PTPRQ: variants seen among roughly 807,000 people sequenced by gnomAD.
PTPRQ encodes protein tyrosine phosphatase receptor type Q, also known as phosphatidylinositol phosphatase PTPRQ.
In PTPRQ, 199 loss-of-function variants were observed where a neutral mutation model predicts 246.0. The observed-to-expected ratio is 0.81, with a 90% CI of 0.72 to 0.91. The LOEUF is 0.91. PTPRQ is among the 40% of genes least tolerant of loss of function. The pLI is 0.00. For missense variants in PTPRQ, 2,624 were observed against 2,528.4 expected (o/e 1.04, Z -0.81); for synonymous variants, 869 against 853.2 (o/e 1.02, Z -0.32).
chr12:80,653,723 G>A (rs1309144035), intron 38 of PTPRQ, among the ~76,000 whole-genome samples: 1 of 152,098 alleles, frequency 6.6e-6, no homozygotes, highest in African/African-American at 2.4e-5. Flanking sequence ...ATAGAATGTC[G>A]AATTGTAAAG....
chr12:80,610,435 A>G lies in PTPRQ; in HGVS notation c.4732-4A>G, dbSNP rs754884738. Reference sequence around the variant, plus strand: ...CCTTAATTTTTACTTATATTTTCCTATAGGTAGATAATGATGAATTTAATA... The same window carrying G: ...CCTTAATTTTTACTTATATTTTCCTGTAGGTAGATAATGATGAATTTAATA... On this transcript the variant is annotated splice_region_variant and splice_polypyrimidine_tract_variant and intron_variant, in intron 27 of 44. Coordinates refer to ENST00000644991, the MANE Select transcript of PTPRQ (RefSeq NM_001145026.2). The G allele has an allele frequency of 1.4e-6, 2 of 1,470,706 alleles. No individual in the cohort carries two copies. The highest frequency in any genetic ancestry group is 1.4e-5 in the South Asian group (1 of 72,046). 91.1% of individuals were successfully genotyped at this position (1,470,706 alleles called of 1,614,324 possible).
chr12:80,561,737 G>T (rs764726025), intron 25 of PTPRQ, among the ~76,000 whole-genome samples: 1 of 152,106 alleles, frequency 6.6e-6, no homozygotes. Context: ...TGTAAAAAGG[G>T]TCAGTTTTGC....
intron 8 of PTPRQ, among the ~76,000 whole-genome samples, chr12:80,484,033 T>C (rs1009032034): frequency 2.0e-5 from 3 of 151,694 alleles, no homozygotes; most frequent in Non-Finnish European, 4.4e-5. Flanking sequence ...TTTGATGGAG[T>C]CTTGCTCTTT....
At chr12:80,619,616 A>G in intron 31 of PTPRQ, 74 bp downstream of exon 31, 2 of 1,268,998 alleles carry the variant, frequency 1.6e-6, no homozygotes, top group Non-Finnish European at 2.0e-6. Flanking sequence ...AATTTAGTTC[A>G]AATTAAGATT....
chr12:80,634,933 C>T lies in PTPRQ; in HGVS notation c.5787-12C>T, dbSNP rs375717822. 3.6e-5 allele frequency: 56 copies of T among 1,548,370 alleles called. No homozygotes were observed. The highest frequency in any genetic ancestry group is 3.3e-4 in the Middle Eastern group (2 of 5,988). On this transcript the variant is annotated splice_polypyrimidine_tract_variant and intron_variant, in intron 34 of 44. Transcript: ENST00000644991. ...GAAACTCCCTTCTTGGACTTTACTCCGCTTGTTTTAGAATTCGACAGAAGC... is the reference window on the plus strand; with the variant it reads ...GAAACTCCCTTCTTGGACTTTACTCTGCTTGTTTTAGAATTCGACAGAAGC...
chr12:80,620,864 C>T (rs184364694), intron 32 of PTPRQ, among the ~76,000 whole-genome samples: 1 of 151,874 alleles, frequency 6.6e-6, no homozygotes, highest in East Asian at 1.9e-4. Flanking sequence ...TTTAATACCA[C>T]CTTTAATATT....
intron 17 of PTPRQ, among the ~76,000 whole-genome samples, chr12:80,521,050 AT>A: frequency 6.6e-6 from 1 of 152,038 alleles, no homozygotes; most frequent in South Asian, 2.1e-4. Context: ...AATGATCACC[AT>A]TCTAACTGGT....
At chr12:80,521,256 A>G (rs1389169006) in intron 17 of PTPRQ, among the ~76,000 whole-genome samples, 3 of 151,868 alleles carry the variant, frequency 2.0e-5, no homozygotes, top group African/African-American at 7.3e-5. Context: ...TAGATTCTGG[A>G]TATTAGCCCT....
At chr12:80,642,933 A>AAAAAAC (rs1565836973) in intron 35 of PTPRQ, among the ~76,000 whole-genome samples, 2,811 of 144,372 alleles carry the variant, frequency 0.019, 199 homozygotes, top group African/African-American at 0.071. Context: ...AAAAAAAAAA[A>AAAAAAC]AAAAAAAAAA....
intron 35 of PTPRQ, among the ~76,000 whole-genome samples, chr12:80,646,928 A>T (rs935394981): frequency 2.0e-5 from 3 of 152,206 alleles, no homozygotes; most frequent in Non-Finnish European, 4.4e-5. Context: ...AAAGAAGAGC[A>T]ATAATATGAA....
intron 8 of PTPRQ, among the ~76,000 whole-genome samples, chr12:80,477,841 C>T (rs560052341): frequency 1.3e-5 from 2 of 152,214 alleles, no homozygotes; most frequent in African/African-American, 4.8e-5. Flanking sequence ...AAACGGCGCA[C>T]CACGAGATTA....
rs572742148 is a variant in PTPRQ, at chr12:80,627,113, G to A, written c.5686+4979G>A. Among the ~76,000 whole-genome samples, 9 of 151,900 alleles carry A rather than the reference G, an allele frequency of 5.9e-5. No homozygotes were observed. In the South Asian group the frequency reaches 1.9e-3, roughly 32 times the overall value. ...ATATATTTATGGGGAACAGAGTGATGCCATGATATATGTATACCATGTGCA... is the reference window on the plus strand; with the variant it reads ...ATATATTTATGGGGAACAGAGTGATACCATGATATATGTATACCATGTGCA... On this transcript the variant is annotated intron_variant, in intron 33 of 44. Transcript: ENST00000644991.
intron 25 of PTPRQ, among the ~76,000 whole-genome samples, chr12:80,552,433 C>G (rs1016656652): frequency 2.0e-5 from 3 of 151,466 alleles, no homozygotes; most frequent in African/African-American, 4.9e-5. Context: ...GATTCAGGAA[C>G]AAGGCAGGAG....
At chr12:80,616,161 A>C in intron 29 of PTPRQ, 39 bp from the exon 30 acceptor site, 3 of 1,422,460 alleles carry the variant, frequency 2.1e-6, no homozygotes, top group Admixed American at 5.1e-5. Flanking sequence ...ATACATAAGC[A>C]ATCACTTGAA....
intron 19 of PTPRQ, among the ~76,000 whole-genome samples, chr12:80,538,962 C>A (rs536240947): frequency 5.7e-4 from 87 of 152,014 alleles, no homozygotes; most frequent in Non-Finnish European, 1.0e-3. Context: ...ACTTAAATGG[C>A]TTCATGTGGA....
intron 8 of PTPRQ, among the ~76,000 whole-genome samples, chr12:80,481,389 C>T (rs534446280): frequency 6.6e-6 from 1 of 152,158 alleles, no homozygotes; most frequent in Admixed American, 6.5e-5. Flanking sequence ...ATAATAAGAG[C>T]CATCCATGAC....
At chr12:80,481,452 T>C (rs924212676) in intron 8 of PTPRQ, among the ~76,000 whole-genome samples, 30 of 152,176 alleles carry the variant, frequency 2.0e-4, no homozygotes, top group African/African-American at 6.3e-4. Context: ...GCATTCCCTT[T>C]GAAAACTGGC....
intron 25 of PTPRQ, among the ~76,000 whole-genome samples, chr12:80,576,836 C>T (rs1156790515): frequency 6.6e-6 from 1 of 152,170 alleles, no homozygotes; most frequent in African/African-American, 2.4e-5. Context: ...CTAACACAAA[C>T]CTCTCCTGTG....
chr12:80,592,867 C>G (rs534817404), intron 26 of PTPRQ, among the ~76,000 whole-genome samples: 14 of 151,928 alleles, frequency 9.2e-5, no homozygotes, highest in African/African-American at 3.1e-4. Context: ...AAAAATTATC[C>G]GAACATGGTG....
Sources: gnomAD v4.1 joint callset for allele counts (sites outside exome capture counted in the v4.1 genomes callset) on GRCh38, gnomAD v4.1.1 for gene constraint, MANE v1.5 for transcripts, NCBI Gene and HGNC (gene_info 2026-07-23, HGNC 2026-07-21) for gene names.